The following OSBPL9 variants were observed in gnomAD, a reference collection of about 807,000 sequenced individuals.
The protein encoded by OSBPL9 is oxysterol-binding protein-related protein 9.
In OSBPL9, 40 loss-of-function variants were observed where a neutral mutation model predicts 106.6. The observed-to-expected ratio is 0.38, with a 90% CI of 0.29 to 0.49. The LOEUF (loss-of-function observed/expected upper bound fraction) is 0.49, where lower values mean the gene tolerates loss of function less well. OSBPL9 is among the 20% of genes least tolerant of loss of function. The pLI, the probability that OSBPL9 is intolerant of heterozygous loss-of-function variation, is 0.97. For missense variants in OSBPL9, 609 were observed against 887.2 expected (o/e 0.69, Z 3.98); for synonymous variants, 269 against 295.4 (o/e 0.91, Z 0.92).
chr1:51,713,874 C>A, intron 3 of OSBPL9, 129 bp from the exon 4 acceptor site: 1 of 643,902 alleles, frequency 1.6e-6, no homozygotes, highest in Non-Finnish European at 2.6e-6. Context: ...TCAAGCTGAA[C>A]CTATTAAGGA....
Position 51,746,744 on chromosome 1 carries a change from A to G in OSBPL9, c.449A>G (p.Asp150Gly). The change falls in exon 6 of 24, where the codon GAT becomes GGT. Residue 150 changes from aspartate (D) to glycine (G), a missense_variant. Coordinates refer to ENST00000428468, the MANE Select transcript of OSBPL9 (RefSeq NM_024586.6). ...FDDKLQNCKE[D>G]EQRKKIETLK... ...GACAAGCTTCAAAACTGCAAAGAAG[A>G]TGAACAGAGAAAGGTAACTTCCATA... 1 of 1,607,776 alleles carries G rather than the reference A, an allele frequency of 6.2e-7. No individual in the cohort carries two copies. Among genetic ancestry groups the G allele is most frequent in the Non-Finnish European group, 8.5e-7 (1 of 1,177,842 alleles).
rs774978455 is a variant in OSBPL9 at position 51,617,260 on chromosome 1, C to T, written c.111+39C>T. 11 of 1,558,738 alleles carry T rather than the reference C, an allele frequency of 7.1e-6. No homozygotes were observed. In the South Asian group the frequency reaches 1.2e-4, roughly 16 times the overall value. On this transcript the variant is annotated intron_variant, in intron 1 of 23. Transcript: ENST00000428468. ...GGGCACAGCTCCAGGCGCCTCGGGG[C>T]CGCGTTTCCTGGGTGGAGGTGGGGG... is the stretch of plus-strand genomic sequence containing the variant.
chr1:51,682,675 C>T (rs1171717305), intron 3 of OSBPL9, among the ~76,000 whole-genome samples: 3 of 151,254 alleles, frequency 2.0e-5, no homozygotes, highest in Non-Finnish European at 2.9e-5. Context: ...GGAGATCGCT[C>T]GAACCCAGGA....
chr1:51,679,713 A>C (rs1183447442), intron 3 of OSBPL9, among the ~76,000 whole-genome samples: 1 of 152,204 alleles, frequency 6.6e-6, no homozygotes, highest in Non-Finnish European at 1.5e-5. Context: ...TTAGTCACTT[A>C]CTAAGTAGGC....
chr1:51,696,814 T>A (rs1245225143), intron 3 of OSBPL9, among the ~76,000 whole-genome samples: 1 of 152,164 alleles, frequency 6.6e-6, no homozygotes, highest in African/African-American at 2.4e-5. Flanking sequence ...TTTTTTTTTA[T>A]TTTTTATTTT....
intron 5 of OSBPL9, 90 bp downstream of exon 5, chr1:51,745,721 T>C (rs1667839529): frequency 1.4e-6 from 2 of 1,380,534 alleles, no homozygotes; most frequent in East Asian, 5.5e-5. Context: ...TGATGTTAAT[T>C]TACAGCCCTC....
At chr1:51,719,581 A>G (rs1043732847) in intron 4 of OSBPL9, among the ~76,000 whole-genome samples, 4 of 152,144 alleles carry the variant, frequency 2.6e-5, no homozygotes, top group Non-Finnish European at 5.9e-5. Flanking sequence ...TGTAAAAAAT[A>G]TGAGTTATAG....
At chr1:51,631,979 C>G (rs1039079780) in intron 1 of OSBPL9, among the ~76,000 whole-genome samples, 2 of 152,176 alleles carry the variant, frequency 1.3e-5, no homozygotes, top group Non-Finnish European at 2.9e-5. Context: ...TCTTGTCCCA[C>G]TGGAAGGTCT....
intron 9 of OSBPL9, chr1:51,756,566 G>T (rs909425519): frequency 9.3e-6 from 5 of 538,778 alleles, no homozygotes; most frequent in Non-Finnish European, 1.3e-5. Context: ...CTAAGTGTGG[G>T]TTCAGATTGA....
the OSBPL9 span, among the ~76,000 whole-genome samples, chr1:51,527,330 GTGATGATGATGA>G: frequency 1.8e-5 from 2 of 110,226 alleles, no homozygotes; most frequent in Non-Finnish European, 3.6e-5. Flanking sequence ...AATGATGATG[GTGATGATGATGA>G]TGATGATGAT....
At chr1:51,750,405 A>AGG (rs939384110) in intron 8 of OSBPL9, among the ~76,000 whole-genome samples, 27 of 152,306 alleles carry the variant, frequency 1.8e-4, no homozygotes, top group East Asian at 7.7e-4. Flanking sequence ...GCTGGGAAGG[A>AGG]GGGGAGCATG....
At chr1:51,742,934 T>C (rs1371001238) in intron 4 of OSBPL9, among the ~76,000 whole-genome samples, 1 of 152,162 alleles carries the variant, frequency 6.6e-6, no homozygotes, top group East Asian at 1.9e-4. Flanking sequence ...TCAAAGATGT[T>C]ATGAAAAGAA....
chr1:51,686,184 G>T (rs551816527), intron 3 of OSBPL9, among the ~76,000 whole-genome samples: 2 of 152,102 alleles, frequency 1.3e-5, no homozygotes, highest in African/African-American at 4.8e-5. Flanking sequence ...TGCTTACTTC[G>T]GGTTCAGTTA....
chr1:51,694,318 C>T (rs1264179520), intron 3 of OSBPL9, among the ~76,000 whole-genome samples: 4 of 152,162 alleles, frequency 2.6e-5, no homozygotes, highest in East Asian at 1.9e-4. Flanking sequence ...TTCTCTTTAA[C>T]GTCTGACTTA....
intron 1 of OSBPL9, among the ~76,000 whole-genome samples, chr1:51,633,765 G>A (rs1645255745): frequency 6.6e-6 from 1 of 152,082 alleles, no homozygotes; most frequent in South Asian, 2.1e-4. Context: ...GGGACCACAG[G>A]TGTGAACCAC....
intron 1 of OSBPL9, among the ~76,000 whole-genome samples, chr1:51,619,565 AT>A (rs138841650): frequency 5.4e-4 from 82 of 152,080 alleles, no homozygotes; most frequent in African/African-American, 1.7e-3. Flanking sequence ...TGTTTAGAAG[AT>A]TTTTTTTCTT....
At chr1:51,614,432 A>T (rs907428998), upstream of OSBPL9, 1 of 151,976 alleles carries the variant, frequency 6.6e-6, no homozygotes, top group African/African-American at 2.4e-5. Flanking sequence ...AGGACTACAG[A>T]TGTGTGCCAC....
intron 14 of OSBPL9, among the ~76,000 whole-genome samples, chr1:51,774,217 C>A (rs1002008370): frequency 6.6e-6 from 1 of 152,096 alleles, no homozygotes; most frequent in African/African-American, 2.4e-5. Context: ...GGAGAGGCAA[C>A]CAGATGTATT....
chr1:51,655,549 C>G (rs567732465), intron 2 of OSBPL9, among the ~76,000 whole-genome samples: 1 of 152,156 alleles, frequency 6.6e-6, no homozygotes, highest in Non-Finnish European at 1.5e-5. Flanking sequence ...AATAATCTCC[C>G]TTTTGCCATG....
Sources: allele counts gnomAD v4.1 joint callset (sites outside exome capture counted in the v4.1 genomes callset), GRCh38; gene constraint gnomAD v4.1.1; transcripts MANE v1.5; gene names NCBI Gene and HGNC (gene_info 2026-07-23, HGNC 2026-07-21).